Variants in DLG1 observed in about 807,000 individuals in gnomAD.
DLG1 encodes the protein discs large MAGUK scaffold protein 1, also known as disks large homolog 1.
DLG1 carries 42 observed loss-of-function variants against 123.4 expected under a neutral mutation model. The observed-to-expected ratio is 0.34, with a 90% confidence interval of 0.27 to 0.44. DLG1 has a LOEUF of 0.44. Among genes scored for constraint, DLG1 ranks in the 20% least tolerant of loss-of-function variants. The pLI, the probability that DLG1 is intolerant of heterozygous loss-of-function variation, is 1.00. For synonymous variants in DLG1, 317 were observed against 356.2 expected, an observed-to-expected ratio of 0.89 and a Z score of 1.24; for missense variants, 942 against 1,082.6, an observed-to-expected ratio of 0.87 and a Z score of 1.82.
At chr3:197,161,810 GC>G (rs1798892889) in intron 5 of DLG1, 13 of 906,122 alleles carry the variant, frequency 1.4e-5, no homozygotes, top group Non-Finnish European at 2.2e-5. Flanking sequence ...AAAAAGCTGT[GC>G]CATAAAGATA....
At chr3:197,282,941 C>G (rs1287733939) in intron 3 of DLG1, 96 bp from the exon 4 acceptor site, 1 of 650,404 alleles carries the variant, frequency 1.5e-6, no homozygotes. Flanking sequence ...AATTTTTACT[C>G]TAGATTAGTA....
At chr3:197,134,049 G>C (rs1416262077) in intron 10 of DLG1, among the ~76,000 whole-genome samples, 3 of 152,164 alleles carry the variant, frequency 2.0e-5, no homozygotes, top group Admixed American at 6.5e-5. Context: ...TGGTAGCCAA[G>C]AAATTAAAAA....
intron 5 of DLG1, among the ~76,000 whole-genome samples, chr3:197,165,394 T>C (rs1027378653): frequency 7.9e-5 from 12 of 152,244 alleles, no homozygotes; most frequent in East Asian, 3.8e-4. Context: ...TTCTTTTCAA[T>C]GTTCCCAGTC....
chr3:197,257,910 C>T (rs1161100123), intron 4 of DLG1, among the ~76,000 whole-genome samples: 1 of 152,160 alleles, frequency 6.6e-6, no homozygotes, highest in African/African-American at 2.4e-5. Context: ...TGGCCTCTAA[C>T]AATATTAACT....
intron 13 of DLG1, among the ~76,000 whole-genome samples, chr3:197,108,159 A>G (rs1767680910): frequency 6.6e-6 from 1 of 152,070 alleles, no homozygotes; most frequent in Non-Finnish European, 1.5e-5. Flanking sequence ...AATAAATTCC[A>G]TTTGGTTATG....
At chr3:197,104,833 T>C in intron 14 of DLG1, 70 bp downstream of exon 14, 1 of 1,081,514 alleles carries the variant, frequency 9.2e-7, no homozygotes, top group South Asian at 1.4e-5. Flanking sequence ...TAAACATTAT[T>C]AAATATTAAA....
At chr3:197,230,172 C>T (rs941607341) in intron 4 of DLG1, among the ~76,000 whole-genome samples, 1 of 151,786 alleles carries the variant, frequency 6.6e-6, no homozygotes, top group Non-Finnish European at 1.5e-5. Context: ...TACTGTATAA[C>T]AAAATAGAGG....
At chr3:197,190,011 C>T (rs1398112655) in intron 5 of DLG1, among the ~76,000 whole-genome samples, 1 of 152,110 alleles carries the variant, frequency 6.6e-6, no homozygotes, top group Non-Finnish European at 1.5e-5. Context: ...GGACATAATC[C>T]TTTATCATTG....
intron 19 of DLG1, among the ~76,000 whole-genome samples, chr3:197,068,857 T>C (rs1216400472): frequency 2.6e-5 from 4 of 152,142 alleles, no homozygotes; most frequent in African/African-American, 9.7e-5. Context: ...AATGATAATT[T>C]AGCATTACTG....
chr3:197,087,942 T>C (rs1015627296), intron 15 of DLG1, among the ~76,000 whole-genome samples: 1 of 152,192 alleles, frequency 6.6e-6, no homozygotes, highest in African/African-American at 2.4e-5. Context: ...TGAGGAGCTG[T>C]ATACTCTGAA....
At chr3:197,080,990 T>C (rs779366133) in intron 17 of DLG1, 61 bp downstream of exon 17, 2 of 1,480,632 alleles carry the variant, frequency 1.4e-6, no homozygotes, top group Non-Finnish European at 1.9e-6. Flanking sequence ...CAAAATCCTT[T>C]TCATTTTAAC....
chr3:197,086,156 A>G (rs1754222857), intron 15 of DLG1, among the ~76,000 whole-genome samples: 1 of 152,110 alleles, frequency 6.6e-6, no homozygotes, highest in African/African-American at 2.4e-5. Context: ...TATTTGATTT[A>G]TTAGTTGTGG....
intron 5 of DLG1, among the ~76,000 whole-genome samples, chr3:197,161,974 A>C (rs1030385055): frequency 5.3e-5 from 8 of 152,222 alleles, no homozygotes; most frequent in African/African-American, 1.9e-4. Flanking sequence ...CCTACTCTTT[A>C]GATGCTTAAA....
chr3:197,070,067 G>A (rs749935329), intron 18 of DLG1: 5 of 152,034 alleles, frequency 3.3e-5, no homozygotes, highest in Non-Finnish European at 2.9e-5. Flanking sequence ...TCCATTTCAC[G>A]ACTTTATTGT....
At chr3:197,149,902 T>C in intron 5 of DLG1, 106 bp from the exon 6 acceptor site, 3 of 712,216 alleles carry the variant, frequency 4.2e-6, no homozygotes, top group Non-Finnish European at 7.4e-6. Context: ...TAAGTTATAA[T>C]CTTATATGAG....
At chr3:197,240,536 A>T (rs1748306160) in intron 4 of DLG1, among the ~76,000 whole-genome samples, 2 of 152,194 alleles carry the variant, frequency 1.3e-5, no homozygotes, top group African/African-American at 4.8e-5. Flanking sequence ...AAAGCAAGGA[A>T]CCAATAACTG....
intron 14 of DLG1, among the ~76,000 whole-genome samples, chr3:197,092,858 A>G (rs1374269024): frequency 6.6e-6 from 1 of 152,174 alleles, no homozygotes; most frequent in East Asian, 1.9e-4. Context: ...ACTGTTGCCA[A>G]GTGGATACAC....
In DLG1 at chr3:197,148,751, A is replaced by T. The variant is rs376137289; in HGVS notation, c.537+992T>A. Among the ~76,000 whole-genome samples the T allele has an allele frequency of 4.6e-5, 7 of 152,286 alleles. No homozygotes were observed. The South Asian group carries it at 1.5e-3, about 32-fold the overall frequency. On this transcript the variant is annotated intron_variant, in intron 6 of 24. Transcript: ENST00000667157. ...GAAAACTTAACTCTAAGTCTTTGTGATGTTGGATTATGCAATGGCTTCTTA... is the reference window on the plus strand; with the variant it reads ...GAAAACTTAACTCTAAGTCTTTGTGTTGTTGGATTATGCAATGGCTTCTTA...
intron 18 of DLG1, chr3:197,070,564 C>CTTTTTTTTT (rs1491200833): frequency 1.8e-4 from 8 of 44,920 alleles, no homozygotes; most frequent in Admixed American, 2.5e-4. Context: ...CTGGAAATTT[C>CTTTTTTTTT]ATTTTTTTTT....
Sources: gnomAD v4.1 joint callset for allele counts (sites outside exome capture counted in the v4.1 genomes callset) on GRCh38, gnomAD v4.1.1 for gene constraint, MANE v1.5 for transcripts, NCBI Gene and HGNC (gene_info 2026-07-23, HGNC 2026-07-21) for gene names.